Variants in PRKAR1B observed in about 807,000 individuals in gnomAD.
The protein encoded by PRKAR1B is cAMP-dependent protein kinase type I-beta regulatory subunit.
PRKAR1B carries 22 observed loss-of-function variants against 46.5 expected under a neutral mutation model. The ratio of observed to expected loss-of-function variants is 0.47; its 90% CI spans 0.34 to 0.68. The LOEUF is 0.68. PRKAR1B is among the 30% of genes least tolerant of loss of function. The pLI is 0.01. For missense variants in PRKAR1B, 445 were observed against 535.6 expected (o/e 0.83, Z 1.67); for synonymous variants, 259 against 217.7 (o/e 1.19, Z -1.67).
chr7:561,497 G>A (rs138202768), intron 9 of PRKAR1B, among the ~76,000 whole-genome samples: 31 of 152,226 alleles, frequency 2.0e-4, no homozygotes, highest in South Asian at 6.2e-4. Context: ...GTGACTCCTC[G>A]GAGCGCTCCT....
chr7:551,741 C>A (rs1308972847), intron 9 of PRKAR1B, among the ~76,000 whole-genome samples: 1 of 146,016 alleles, frequency 6.8e-6, no homozygotes, highest in East Asian at 2.1e-4. Context: ...CACCATGTCA[C>A]CACCCAAACC....
intron 7 of PRKAR1B, among the ~76,000 whole-genome samples, chr7:592,524 T>C (rs895450238): frequency 6.6e-6 from 1 of 151,996 alleles, no homozygotes; most frequent in Non-Finnish European, 1.5e-5. Flanking sequence ...CTGGCCCCAC[T>C]GGCTGTGCCG....
intron 9 of PRKAR1B, among the ~76,000 whole-genome samples, chr7:569,989 C>G (rs968007634): frequency 1.3e-5 from 2 of 152,242 alleles, no homozygotes; most frequent in African/African-American, 4.8e-5. Context: ...TTCTTCCAGT[C>G]CAGCCCAGAA....
chr7:668,180 A>G (rs1786039135), intron 4 of PRKAR1B, among the ~76,000 whole-genome samples: 1 of 152,198 alleles, frequency 6.6e-6, no homozygotes, highest in Non-Finnish European at 1.5e-5. Flanking sequence ...TAAGCGGGGA[A>G]GCAGAGAGAA....
chr7:660,488 C>T (rs1254050574), intron 4 of PRKAR1B, among the ~76,000 whole-genome samples: 1 of 130,214 alleles, frequency 7.7e-6, no homozygotes, highest in Non-Finnish European at 1.7e-5. Flanking sequence ...GCCACAGGTC[C>T]CCACCCCAAC....
intron 6 of PRKAR1B, among the ~76,000 whole-genome samples, chr7:599,625 G>A (rs1033146126): frequency 5.3e-5 from 8 of 152,224 alleles, no homozygotes; most frequent in African/African-American, 1.7e-4. Context: ...GGGGTCCCCC[G>A]CGGGGCAGCA....
Position 583,183 on chromosome 7 carries a change from G to A in PRKAR1B, c.769+1325C>T, listed in dbSNP as rs958195219. ...CTCAACGGCCCTGAAATGCGCTTCC[G>A]GGAAAGGTCAAAACGGTCGGCGTGC... On this transcript the variant is annotated intron_variant, in intron 8 of 10. Coordinates refer to ENST00000537384, the MANE Select transcript of PRKAR1B (RefSeq NM_001164760.2). 5.9e-5 allele frequency among the ~76,000 whole-genome samples: 9 copies of A among 151,868 alleles called. 1 individual carries two copies. Among genetic ancestry groups the A allele is most frequent in the Admixed American group, 1.3e-4 (2 of 15,256 alleles).
chr7:568,660 G>C (rs756422832), intron 9 of PRKAR1B, among the ~76,000 whole-genome samples: 1 of 152,242 alleles, frequency 6.6e-6, no homozygotes, highest in African/African-American at 2.4e-5. Flanking sequence ...CCTGCTGCGG[G>C]GGGTGGACGA....
chr7:648,440 C>T (rs904042321), intron 4 of PRKAR1B, among the ~76,000 whole-genome samples: 9 of 151,678 alleles, frequency 5.9e-5, no homozygotes, highest in African/African-American at 1.9e-4. Flanking sequence ...GGCAAAACTC[C>T]ATCTCTACAA....
chr7:587,095 C>G (rs372786973), intron 7 of PRKAR1B, among the ~76,000 whole-genome samples: 1 of 152,140 alleles, frequency 6.6e-6, no homozygotes, highest in East Asian at 1.9e-4. Context: ...CTGTGTTAAC[C>G]AGGAATTTAT....
At chr7:676,842 G>A (rs138459097) in intron 4 of PRKAR1B, among the ~76,000 whole-genome samples, 2 of 152,134 alleles carry the variant, frequency 1.3e-5, no homozygotes, top group Non-Finnish European at 2.9e-5. Context: ...GGGCAAGGAG[G>A]GTGGTGGTGA....
chr7:582,339 G>A (rs1780234673), intron 8 of PRKAR1B, among the ~76,000 whole-genome samples: 2 of 152,266 alleles, frequency 1.3e-5, no homozygotes, highest in African/African-American at 4.8e-5. Context: ...TCTGGTGTGG[G>A]GACAGAAATG....
At chr7:654,923 C>A (rs1785116562) in intron 4 of PRKAR1B, among the ~76,000 whole-genome samples, 1 of 152,176 alleles carries the variant, frequency 6.6e-6, no homozygotes, top group Non-Finnish European at 1.5e-5. Context: ...AATCTCATAA[C>A]CAAGAGAGGA....
intron 9 of PRKAR1B, among the ~76,000 whole-genome samples, chr7:572,254 C>A (rs532473899): frequency 6.6e-6 from 1 of 152,208 alleles, no homozygotes; most frequent in Non-Finnish European, 1.5e-5. Context: ...CACAGGCCTG[C>A]GGAGGAGTGA....
chr7:648,260 C>T (rs1158831582), intron 4 of PRKAR1B, among the ~76,000 whole-genome samples: 3 of 151,984 alleles, frequency 2.0e-5, no homozygotes, highest in Admixed American at 6.6e-5. Flanking sequence ...AATTTCTGGC[C>T]TATTGTGAAA....
In PRKAR1B at chr7:687,678, A is replaced by G. The variant is rs1779165166; in HGVS notation, c.178-6952T>C. Among the ~76,000 whole-genome samples, 3 of 152,184 alleles carry G rather than the reference A, an allele frequency of 2.0e-5. No individual in the cohort carries two copies. In the South Asian group the frequency reaches 6.2e-4, roughly 31 times the overall value. On this transcript the variant is annotated intron_variant, in intron 2 of 10. Transcript: ENST00000537384. ...AGATCATGATGAAGAATTTTCCTAA[A>G]CTAATTAAAGACATCAGGCCACAGA...
intron 6 of PRKAR1B, among the ~76,000 whole-genome samples, chr7:596,898 TC>T (rs1323080293): frequency 6.6e-6 from 1 of 152,246 alleles, no homozygotes; most frequent in Non-Finnish European, 1.5e-5. Flanking sequence ...GCGCCTGAGC[TC>T]CTCGGGCTGG....
chr7:572,337 C>A (rs1418418895), intron 9 of PRKAR1B, among the ~76,000 whole-genome samples: 2 of 152,200 alleles, frequency 1.3e-5, no homozygotes, highest in African/African-American at 4.8e-5. Context: ...CAGCTCCCCA[C>A]AGCTTCAGAG....
chr7:634,660 GGTGGA>G (rs1000353688), intron 4 of PRKAR1B, among the ~76,000 whole-genome samples: 104 of 149,570 alleles, frequency 7.0e-4, no homozygotes, highest in African/African-American at 2.4e-3. Context: ...TTTTTTTTAA[GGTGGA>G]GTCTCGCTCT....
Sources: allele counts gnomAD v4.1 joint callset (sites outside exome capture counted in the v4.1 genomes callset), GRCh38; gene constraint gnomAD v4.1.1; transcripts MANE v1.5; gene names NCBI Gene and HGNC (gene_info 2026-07-23, HGNC 2026-07-21).